Variants in SCMH1 observed in about 807,000 individuals in gnomAD.
SCMH1 encodes the protein Scm polycomb group protein homolog 1.
A neutral mutation model predicts 70.8 loss-of-function variants in SCMH1; 37 were observed. The observed-to-expected ratio is 0.52, with a 90% CI of 0.40 to 0.69. SCMH1 has a LOEUF of 0.69. SCMH1 is among the 30% of genes least tolerant of loss of function. The probability of loss-of-function intolerance (pLI) is 0.00; values close to 1 mark genes in which losing one functional copy is unlikely to be tolerated. For synonymous variants in SCMH1, 292 were observed against 307.4 expected, an observed-to-expected ratio of 0.95 and a Z score of 0.52; for missense variants, 607 against 827.3, an observed-to-expected ratio of 0.73 and a Z score of 3.27.
intron 8 of SCMH1, among the ~76,000 whole-genome samples, chr1:41,106,586 G>T (rs1667991531): frequency 6.6e-6 from 1 of 151,934 alleles, no homozygotes. Flanking sequence ...TAAAAATCCA[G>T]ATCCTTAAGA....
chr1:41,127,486 G>A (rs996696296), intron 6 of SCMH1, among the ~76,000 whole-genome samples: 2 of 151,992 alleles, frequency 1.3e-5, no homozygotes, highest in Admixed American at 6.6e-5. Flanking sequence ...TCTAATCCAC[G>A]TGCAGTTTAT....
intron 8 of SCMH1, among the ~76,000 whole-genome samples, chr1:41,095,997 A>C (rs1326640695): frequency 6.6e-6 from 1 of 152,220 alleles, no homozygotes; most frequent in Non-Finnish European, 1.5e-5. Flanking sequence ...CATACAGTAA[A>C]ATATACAGTG....
chr1:41,105,859 T>C (rs2147766411), intron 8 of SCMH1, among the ~76,000 whole-genome samples: 1 of 151,844 alleles, frequency 6.6e-6, no homozygotes, highest in South Asian at 2.1e-4. Flanking sequence ...ACTCTACTAC[T>C]TAAAAGCCCA....
chr1:41,048,094 A>G (rs1467895662), intron 11 of SCMH1, among the ~76,000 whole-genome samples: 2 of 150,644 alleles, frequency 1.3e-5, no homozygotes, highest in Non-Finnish European at 3.0e-5. Context: ...TCAAGTCTTC[A>G]TAGGTTTAGT....
chr1:41,202,795 C>A (rs922049442), intron 1 of SCMH1, among the ~76,000 whole-genome samples: 1 of 152,052 alleles, frequency 6.6e-6, no homozygotes, highest in African/African-American at 2.4e-5. Flanking sequence ...TTAGAAAAAG[C>A]ACCTCTCCTA....
chr1:41,079,313 A>G (rs1291974638), intron 8 of SCMH1, among the ~76,000 whole-genome samples: 2 of 151,598 alleles, frequency 1.3e-5, no homozygotes, highest in African/African-American at 4.9e-5. Flanking sequence ...GGATTAAGTA[A>G]AACAGTCAGT....
intron 8 of SCMH1, chr1:41,098,772 C>A (rs1430012476): frequency 6.7e-6 from 1 of 149,498 alleles, no homozygotes; most frequent in Non-Finnish European, 1.5e-5. Context: ...CCCCCCGACC[C>A]CCACCCCCCG....
At chr1:41,074,465 CACTT>C (rs1657563390) in intron 9 of SCMH1, among the ~76,000 whole-genome samples, 1 of 151,786 alleles carries the variant, frequency 6.6e-6, no homozygotes, top group Non-Finnish European at 1.5e-5. Context: ...TACAGTCTGA[CACTT>C]AGTAGGTATT....
intron 8 of SCMH1, among the ~76,000 whole-genome samples, chr1:41,082,458 A>T (rs974142094): frequency 6.6e-6 from 1 of 152,182 alleles, no homozygotes; most frequent in African/African-American, 2.4e-5. Context: ...TCATATCCAG[A>T]CAAACTAAGC....
chr1:41,123,968 G>A (rs1324024256), intron 6 of SCMH1, among the ~76,000 whole-genome samples: 1 of 152,166 alleles, frequency 6.6e-6, no homozygotes, highest in Admixed American at 6.5e-5. Flanking sequence ...ATTACCTAGA[G>A]CTTCTGATTC....
intron 8 of SCMH1, among the ~76,000 whole-genome samples, chr1:41,103,424 G>A (rs1338429269): frequency 6.6e-6 from 1 of 152,166 alleles, no homozygotes; most frequent in African/African-American, 2.4e-5. Flanking sequence ...TTATAGGCAT[G>A]AGCCACTGCG....
At chr1:41,035,396 G>T (rs950848885) in intron 13 of SCMH1, among the ~76,000 whole-genome samples, 6 of 152,116 alleles carry the variant, frequency 3.9e-5, no homozygotes, top group South Asian at 4.1e-4. Context: ...GAAAACCATA[G>T]CTTGTGCAAA....
intron 6 of SCMH1, among the ~76,000 whole-genome samples, chr1:41,140,475 T>A (rs1442532108): frequency 6.6e-6 from 1 of 152,060 alleles, no homozygotes; most frequent in Non-Finnish European, 1.5e-5. Context: ...GTATTTTCAG[T>A]AGAGACGAGG....
intron 13 of SCMH1, among the ~76,000 whole-genome samples, chr1:41,036,528 T>G (rs1645322143): frequency 6.6e-6 from 1 of 152,242 alleles, no homozygotes; most frequent in African/African-American, 2.4e-5. Flanking sequence ...ACTTCAGATC[T>G]GGCCCACTCG....
rs763967992 is a variant in SCMH1, at chr1:41,113,389, C to T, written c.639G>A (p.Gly213=). 2 of 1,614,050 alleles carry T rather than the reference C, an allele frequency of 1.2e-6. No individual in the cohort carries two copies. The highest frequency in any genetic ancestry group is 2.2e-5 in the South Asian group (2 of 91,064). Residue 213 remains glycine (G), a synonymous_variant, in exon 8 of 15, where the codon GGG becomes GGA. Transcript: ENST00000337495. The surrounding 1 kb of genome is among the most constrained non-coding windows in gnomAD (Gnocchi z 4.3). Reference sequence around the variant, plus strand: ...ACCAGTAGTCAAAGGCCCCTCGCCACCCATCAAAAGTGACAAGCACCTCTG... The same window carrying T: ...ACCAGTAGTCAAAGGCCCCTCGCCATCCATCAAAAGTGACAAGCACCTCTG...
intron 1 of SCMH1, among the ~76,000 whole-genome samples, chr1:41,224,471 A>G (rs2148867293): frequency 6.6e-6 from 1 of 152,268 alleles, no homozygotes; most frequent in South Asian, 2.1e-4. Context: ...ATAATCTCCA[A>G]TTACTATCAT....
chr1:41,224,221 T>C (rs1040267896), intron 1 of SCMH1, among the ~76,000 whole-genome samples: 4 of 152,324 alleles, frequency 2.6e-5, no homozygotes, highest in South Asian at 2.1e-4. Context: ...ATGAAGTGTA[T>C]ACATTTATAT....
chr1:41,087,174 TG>T (rs1394071944), intron 8 of SCMH1, among the ~76,000 whole-genome samples: 1 of 152,058 alleles, frequency 6.6e-6, no homozygotes, highest in African/African-American at 2.4e-5. Context: ...GGATGGCCAC[TG>T]GAAAAACACA....
At chr1:41,142,139 T>A (rs979207327) in intron 6 of SCMH1, among the ~76,000 whole-genome samples, 22 of 152,206 alleles carry the variant, frequency 1.4e-4, no homozygotes, top group Non-Finnish European at 2.4e-4. Context: ...AATTTTTTTT[T>A]AATGGGGGAA....
Sources: allele counts gnomAD v4.1 joint callset (sites outside exome capture counted in the v4.1 genomes callset), GRCh38; gene constraint gnomAD v4.1.1; non-coding constraint Gnocchi (gnomAD v3.1); transcripts MANE v1.5; gene names NCBI Gene and HGNC (gene_info 2026-07-23, HGNC 2026-07-21).